ZNF521: variants seen among roughly 807,000 people sequenced by gnomAD.
The protein encoded by ZNF521 is LYST-interacting protein 3.
In ZNF521, 14 loss-of-function variants were observed where a neutral mutation model predicts 105.5. The ratio of observed to expected loss-of-function variants is 0.13; its 90% CI spans 0.09 to 0.21. ZNF521 has a LOEUF of 0.21. Ranked by LOEUF, ZNF521 falls within the 10% of genes least tolerant of loss-of-function variation. The pLI is 1.00. For synonymous variants in ZNF521, 635 were observed against 606.0 expected (o/e 1.05, Z -0.70); for missense variants, 1,233 against 1,629.7 (o/e 0.76, Z 4.19).
At chr18:25,283,311 T>C (rs140630197) in intron 3 of ZNF521, among the ~76,000 whole-genome samples, 63 of 152,330 alleles carry the variant, frequency 4.1e-4, no homozygotes, top group African/African-American at 1.4e-3. Flanking sequence ...CTCCTACTCA[T>C]GAGGATTGCT....
At chr18:25,338,259 T>TTGTGTGTGTGTGTGTGTGTGTGTGTGTG (rs34813730) in intron 2 of ZNF521, among the ~76,000 whole-genome samples, 20 of 136,592 alleles carry the variant, frequency 1.5e-4, no homozygotes, top group South Asian at 5.2e-4. Context: ...TCATAGACTT[T>TTGTGTGTGTGTGTGTGTGTGTGTGTGTG]TGTGTGTGTG....
At chr18:25,252,881 G>A (rs1908214563) in intron 3 of ZNF521, among the ~76,000 whole-genome samples, 1 of 152,088 alleles carries the variant, frequency 6.6e-6, no homozygotes, top group Admixed American at 6.6e-5. Flanking sequence ...GGAGAGCAAA[G>A]CTTTCAAAAT....
At chr18:25,341,910 G>A (rs1914221631) in intron 2 of ZNF521, among the ~76,000 whole-genome samples, 1 of 152,146 alleles carries the variant, frequency 6.6e-6, no homozygotes, top group Non-Finnish European at 1.5e-5. Flanking sequence ...TTAGTACAGT[G>A]CCTGGGATAA....
chr18:25,177,061 C>A (rs893232618), intron 5 of ZNF521, among the ~76,000 whole-genome samples: 3 of 152,154 alleles, frequency 2.0e-5, no homozygotes, highest in Non-Finnish European at 4.4e-5. Context: ...TAACCTCTTG[C>A]CTGCTAAATT....
intron 7 of ZNF521, among the ~76,000 whole-genome samples, chr18:25,069,552 C>A (rs1311866718): frequency 2.0e-5 from 3 of 152,160 alleles, no homozygotes; most frequent in South Asian, 4.1e-4. Context: ...CTACTGCCCA[C>A]AACTATATAA....
intron 5 of ZNF521, among the ~76,000 whole-genome samples, chr18:25,192,676 A>T (rs2035837918): frequency 6.9e-6 from 1 of 144,590 alleles, no homozygotes; most frequent in East Asian, 2.0e-4. Flanking sequence ...AGTTGAGATT[A>T]TTTTTTGATT....
chr18:25,171,951 ATTGT>A (rs2035455990), intron 5 of ZNF521, among the ~76,000 whole-genome samples: 2 of 151,828 alleles, frequency 1.3e-5, no homozygotes, highest in Admixed American at 6.6e-5. Flanking sequence ...ACAGTGTTAT[ATTGT>A]TTATTTCTCC....
intron 5 of ZNF521, among the ~76,000 whole-genome samples, chr18:25,191,161 A>C (rs2144622635): frequency 6.6e-6 from 1 of 152,258 alleles, no homozygotes; most frequent in African/African-American, 2.4e-5. Context: ...TGCCATTACA[A>C]CACTGGTCTC....
chr18:25,185,216 C>T (rs566873017), intron 5 of ZNF521, among the ~76,000 whole-genome samples: 5 of 152,170 alleles, frequency 3.3e-5, no homozygotes, highest in Non-Finnish European at 7.4e-5. Context: ...AACATCTATA[C>T]AAAATGGGTG....
chr18:25,309,606 T>A (rs1568070497), intron 3 of ZNF521, among the ~76,000 whole-genome samples: 1 of 152,224 alleles, frequency 6.6e-6, no homozygotes. Context: ...CATGGCTTTT[T>A]AATAACCAGC....
At chr18:25,224,239 C>T in intron 4 of ZNF521, 106 bp downstream of exon 4, 2 of 1,047,914 alleles carry the variant, frequency 1.9e-6, no homozygotes, top group Admixed American at 2.6e-5. Context: ...TCAATCTAAG[C>T]ATCTTTTGGC....
chr18:25,340,131 G>A (rs2145204213), intron 2 of ZNF521, among the ~76,000 whole-genome samples: 1 of 152,238 alleles, frequency 6.6e-6, no homozygotes, highest in South Asian at 2.1e-4. Context: ...CCAAGGTGTG[G>A]ATCACTTGAG....
intron 3 of ZNF521, among the ~76,000 whole-genome samples, chr18:25,257,722 GT>G (rs1266699670): frequency 6.6e-6 from 1 of 152,158 alleles, no homozygotes; most frequent in Non-Finnish European, 1.5e-5. Flanking sequence ...AGAGATGCTT[GT>G]TGAGTATCAA....
At chr18:25,328,443 A>G (rs981688882) in intron 2 of ZNF521, among the ~76,000 whole-genome samples, 55 of 145,128 alleles carry the variant, frequency 3.8e-4, no homozygotes, top group Non-Finnish European at 6.7e-4. Flanking sequence ...ACACACACAC[A>G]CACACGCATT....
chr18:25,214,818 C>G (rs2036252614), intron 4 of ZNF521, among the ~76,000 whole-genome samples: 1 of 151,908 alleles, frequency 6.6e-6, no homozygotes, highest in African/African-American at 2.4e-5. Flanking sequence ...ATAGTTTGGC[C>G]TGGAGAAAGG....
chr18:25,299,191 A>G (rs992204986), intron 3 of ZNF521, among the ~76,000 whole-genome samples: 1 of 152,226 alleles, frequency 6.6e-6, no homozygotes, highest in African/African-American at 2.4e-5. Flanking sequence ...AACATATACC[A>G]GGGCTTGGGC....
At chr18:25,249,967 C>G (rs1203703540) in intron 3 of ZNF521, among the ~76,000 whole-genome samples, 1 of 152,154 alleles carries the variant, frequency 6.6e-6, no homozygotes, top group Non-Finnish European at 1.5e-5. Flanking sequence ...GAGACCAAGT[C>G]TCGCTCTGTC....
intron 4 of ZNF521, among the ~76,000 whole-genome samples, chr18:25,203,195 T>C (rs1035844281): frequency 6.6e-6 from 1 of 152,184 alleles, no homozygotes; most frequent in Non-Finnish European, 1.5e-5. Context: ...TTTTGGTGTA[T>C]TGCAAAGAGA....
chr18:25,079,830 A>T (rs2033453009), intron 7 of ZNF521, among the ~76,000 whole-genome samples: 1 of 152,196 alleles, frequency 6.6e-6, no homozygotes, highest in Non-Finnish European at 1.5e-5. Context: ...ATTTTCCTGC[A>T]CAATCACCTT....
Sources: allele counts gnomAD v4.1 joint callset (sites outside exome capture counted in the v4.1 genomes callset), GRCh38; gene constraint gnomAD v4.1.1; transcripts MANE v1.5; gene names NCBI Gene and HGNC (gene_info 2026-07-23, HGNC 2026-07-21).